The following DDHD1 variants were observed in gnomAD, a reference collection of about 807,000 sequenced individuals.
DDHD1 encodes phospholipase DDHD1.
In DDHD1, 49 loss-of-function variants were observed where a neutral mutation model predicts 96.4. The observed-to-expected ratio is 0.51, with a 90% CI of 0.40 to 0.64. DDHD1 has a LOEUF of 0.64. Among genes scored for constraint, DDHD1 ranks in the 30% least tolerant of loss-of-function variants. DDHD1 has a pLI of 0.00. For missense variants in DDHD1, 1,106 were observed against 1,161.2 expected, an observed-to-expected ratio of 0.95 and a Z score of 0.69; for synonymous variants, 442 against 446.5, an observed-to-expected ratio of 0.99 and a Z score of 0.13.
intron 12 of DDHD1, among the ~76,000 whole-genome samples, chr14:53,050,288 T>C (rs1044157413): frequency 2.0e-5 from 3 of 152,146 alleles, no homozygotes; most frequent in African/African-American, 7.2e-5. Context: ...TTAGTTTTCT[T>C]GAGAAAAATC....
chr14:53,138,810 C>T (rs958290910), intron 1 of DDHD1, among the ~76,000 whole-genome samples: 1 of 152,154 alleles, frequency 6.6e-6, no homozygotes, highest in African/African-American at 2.4e-5. Flanking sequence ...GAAATTACAC[C>T]TTGTTGCAGG....
chr14:53,046,876 C>T lies in DDHD1; in HGVS notation c.2595G>A (p.Thr865=), dbSNP rs778120921. 2.5e-6 allele frequency: 4 copies of T among 1,613,764 alleles called. No individual in the cohort carries two copies. Among genetic ancestry groups the T allele is most frequent in the Admixed American group, 1.7e-5 (1 of 59,970 alleles). The change falls in exon 13 of 13, where the codon ACG becomes ACA. Residue 865 remains threonine (T), a synonymous_variant. Coordinates refer to ENST00000673822, the MANE Select transcript of DDHD1 (RefSeq NM_001160148.2). Reference sequence around the variant, plus strand: ...AGGATGACCAATAGGCAGTATGCGACGTGACAGCTGACCAATAGCGGCTCT... The same window carrying T: ...AGGATGACCAATAGGCAGTATGCGATGTGACAGCTGACCAATAGCGGCTCT... ...LVESRYWSAV[T]SHTAYWSSLD...
chr14:53,090,677 G>C (rs2139670756), intron 4 of DDHD1, among the ~76,000 whole-genome samples: 1 of 152,240 alleles, frequency 6.6e-6, no homozygotes, highest in East Asian at 1.9e-4. Context: ...TGAACAATGA[G>C]AACACTTGGA....
intron 1 of DDHD1, among the ~76,000 whole-genome samples, chr14:53,132,208 G>A (rs1889915048): frequency 6.6e-6 from 1 of 152,066 alleles, no homozygotes; most frequent in Non-Finnish European, 1.5e-5. Flanking sequence ...CCAAAGCGCA[G>A]GGCTGTGTGG....
intron 2 of DDHD1, among the ~76,000 whole-genome samples, chr14:53,101,232 C>T (rs1313167807): frequency 3.9e-5 from 6 of 151,926 alleles, no homozygotes; most frequent in East Asian, 1.9e-4. Context: ...ATGATTTTCC[C>T]GACAATGGTA....
chr14:53,135,232 T>G (rs1214125576), intron 1 of DDHD1, among the ~76,000 whole-genome samples: 1 of 152,178 alleles, frequency 6.6e-6, no homozygotes, highest in Non-Finnish European at 1.5e-5. Flanking sequence ...ATTCCTCCAT[T>G]GTGATCTTTT....
At chr14:53,065,700 G>C (rs145345734) in intron 6 of DDHD1, among the ~76,000 whole-genome samples, 4 of 152,278 alleles carry the variant, frequency 2.6e-5, no homozygotes, top group African/African-American at 9.6e-5. Context: ...CCTCAGCAAT[G>C]ATCTAATTTA....
At chr14:53,100,686 G>T (rs1351406070) in intron 2 of DDHD1, among the ~76,000 whole-genome samples, 1 of 152,064 alleles carries the variant, frequency 6.6e-6, no homozygotes, top group Non-Finnish European at 1.5e-5. Flanking sequence ...GAAGAAAAAG[G>T]AATTATTATT....
At position 53,037,737 on chromosome 14, in the gene DDHD1, T is replaced by C. The variant is rs984789055; in HGVS notation, c.*9031A>G. The stretch of plus-strand genomic sequence containing the variant: ...TGCTGTGCAGAGTGCTTTAATTAGG[T>C]CCCCACTTGCCAATTTCTGTTTTGT... On this transcript the variant is annotated 3_prime_UTR_variant, in exon 13 of 13. Coordinates refer to ENST00000673822, the MANE Select transcript of DDHD1 (RefSeq NM_001160148.2). 6 of 152,034 alleles carry C rather than the reference T, an allele frequency of 3.9e-5. No individual in the cohort carries two copies. Among genetic ancestry groups the C allele is most frequent in the Non-Finnish European group, 8.8e-5 (6 of 67,984 alleles). 9.4% of individuals were successfully genotyped at this position (152,034 alleles called of 1,614,324 possible).
intron 1 of DDHD1, among the ~76,000 whole-genome samples, chr14:53,105,197 C>T (rs1419084456): frequency 2.0e-5 from 3 of 151,826 alleles, no homozygotes; most frequent in Non-Finnish European, 4.4e-5. Flanking sequence ...CTAGTAAAGG[C>T]CTAGAACTGA....
At position 53,153,026 on chromosome 14, in the gene DDHD1, C is replaced by A; in HGVS notation, c.73G>T (p.Glu25Ter). 1 of 1,503,060 alleles carries A rather than the reference C, an allele frequency of 6.7e-7. No homozygotes were observed. Among genetic ancestry groups the A allele is most frequent in the Non-Finnish European group, 8.8e-7 (1 of 1,131,630 alleles). 93.1% of individuals were successfully genotyped at this position (1,503,060 alleles called of 1,614,324 possible). A position where few individuals can be genotyped will look rare whatever the true frequency, so the allele number is the denominator to read the frequency against. ...GCTGGCCTCGCGTCTGAGCCCAGCT[C>A]CCAGGCGCCGCCGCCGCCGCCTCGG... ...NGRGGGGGAW[E>*]LGSDARPAFG... Residue 25 changes from glutamate to a stop codon, truncating the protein, a stop_gained, in exon 1 of 13, where the codon GAG (glutamate) becomes TAG (stop). Coordinates refer to ENST00000673822, the MANE Select transcript of DDHD1 (RefSeq NM_001160148.2). LOFTEE classifies it high-confidence loss of function.
chr14:53,110,516 T>G (rs935664317), intron 1 of DDHD1, among the ~76,000 whole-genome samples: 5 of 152,234 alleles, frequency 3.3e-5, no homozygotes, highest in African/African-American at 9.6e-5. Context: ...TTACATTTAC[T>G]TCTTCAGGAA....
intron 1 of DDHD1, among the ~76,000 whole-genome samples, chr14:53,147,429 A>C (rs907792900): frequency 1.3e-5 from 2 of 152,224 alleles, no homozygotes; most frequent in Admixed American, 6.5e-5. Flanking sequence ...AAGCACTTGC[A>C]AAACATGCAT....
intron 6 of DDHD1, among the ~76,000 whole-genome samples, chr14:53,063,525 A>G (rs1203007845): frequency 6.6e-6 from 1 of 151,750 alleles, no homozygotes; most frequent in Non-Finnish European, 1.5e-5. Context: ...TACCAATAAG[A>G]TTTTCAAAGA....
Position 53,036,783 on chromosome 14 carries a change from T to C in DDHD1, c.*9985A>G, listed in dbSNP as rs952563399. 1 of 152,136 alleles carries C rather than the reference T, an allele frequency of 6.6e-6. No individual in the cohort carries two copies. Among genetic ancestry groups the C allele is most frequent in the Non-Finnish European group, 1.5e-5 (1 of 68,012 alleles). The allele number at this position is 152,136 out of a possible 1,614,324, so 9.4% of individuals were successfully genotyped here. A position where few individuals can be genotyped will look rare whatever the true frequency, so the allele number is the denominator to read the frequency against. ...CTTTTGTGTTTTTTAATAAAAAATA[T>C]TTCAACTTTTCATTTAGAAACAGTG... On this transcript the variant is annotated 3_prime_UTR_variant, in exon 13 of 13. Coordinates refer to ENST00000673822, the MANE Select transcript of DDHD1 (RefSeq NM_001160148.2).
At position 53,039,147 on chromosome 14, in the gene DDHD1, C is replaced by T. The variant is rs937506606; in HGVS notation, c.*7621G>A. 1 of 152,196 alleles carries T rather than the reference C, an allele frequency of 6.6e-6. No homozygotes were observed. The highest frequency in any genetic ancestry group is 1.5e-5 in the Non-Finnish European group (1 of 68,038). 9.4% of individuals were successfully genotyped at this position (152,196 alleles called of 1,614,324 possible). On this transcript the variant is annotated 3_prime_UTR_variant, in exon 13 of 13. Coordinates refer to ENST00000673822, the MANE Select transcript of DDHD1 (RefSeq NM_001160148.2). The stretch of plus-strand genomic sequence containing the variant: ...AAGTACAACTGATCTGGAGGTGATA[C>T]TTGCTTCAGTTCTCCAGGAACTCTT...
chr14:53,135,610 A>G (rs79550691), intron 1 of DDHD1, among the ~76,000 whole-genome samples: 1,537 of 152,326 alleles, frequency 0.01, 31 homozygotes, highest in African/African-American at 0.035. Flanking sequence ...TTAGCTCACT[A>G]AAGAGTTGTC....
intron 12 of DDHD1, chr14:53,048,855 G>C (rs543647312): frequency 1.3e-5 from 2 of 152,256 alleles, no homozygotes; most frequent in African/African-American, 4.8e-5. Context: ...GATGAGTCAA[G>C]ATGAATTACA....
At chr14:53,114,715 C>G (rs1888410194) in intron 1 of DDHD1, among the ~76,000 whole-genome samples, 1 of 152,176 alleles carries the variant, frequency 6.6e-6, no homozygotes, top group Non-Finnish European at 1.5e-5. Flanking sequence ...AAACCCCATC[C>G]AAAGGTCATC....
Sources: allele counts gnomAD v4.1 joint callset (sites outside exome capture counted in the v4.1 genomes callset), GRCh38; gene constraint gnomAD v4.1.1; transcripts MANE v1.5; gene names NCBI Gene and HGNC (gene_info 2026-07-23, HGNC 2026-07-21).